IQCM: variants seen among roughly 807,000 people sequenced by gnomAD.
IQCM encodes the protein IQ motif containing M, also known as IQ domain-containing protein M.
In IQCM, 45 loss-of-function variants were observed where a neutral mutation model predicts 57.6. The ratio of observed to expected loss-of-function variants is 0.78; its 90% CI spans 0.62 to 1.00. The LOEUF (loss-of-function observed/expected upper bound fraction) is 1.00. Ranked by LOEUF, IQCM falls within the 50% of genes least tolerant of loss-of-function variation. The pLI is 0.00. For missense variants in IQCM, 468 were observed against 511.6 expected (o/e 0.91, Z 0.82); for synonymous variants, 148 against 158.9 (o/e 0.93, Z 0.51).
chr4:149,519,484 T>C (rs942521307), intron 12 of IQCM, among the ~76,000 whole-genome samples: 2 of 151,372 alleles, frequency 1.3e-5, no homozygotes, highest in Non-Finnish European at 2.9e-5. Flanking sequence ...TAGCCTGGCG[T>C]GGTGGCGGGC....
intron 7 of IQCM, among the ~76,000 whole-genome samples, chr4:149,639,972 T>C (rs1195647095): frequency 6.6e-6 from 1 of 152,182 alleles, no homozygotes; most frequent in Non-Finnish European, 1.5e-5. Flanking sequence ...CATTTCAAAA[T>C]CTAAAGTAGC....
intron 2 of IQCM, among the ~76,000 whole-genome samples, chr4:149,808,479 T>C (rs1774276788): frequency 6.6e-6 from 1 of 152,174 alleles, no homozygotes; most frequent in South Asian, 2.1e-4. Flanking sequence ...TATTTGATAG[T>C]GCAGTAAAGA....
chr4:149,792,826 G>C (rs1772764727), intron 2 of IQCM, among the ~76,000 whole-genome samples: 1 of 152,154 alleles, frequency 6.6e-6, no homozygotes, highest in African/African-American at 2.4e-5. Flanking sequence ...ATTATAGTGA[G>C]TCAGGTAGTA....
rs1774864105 is a variant in IQCM, at chr4:149,814,425, A to G, written c.-49+886T>C. Among the ~76,000 whole-genome samples, 3 of 152,028 alleles carry G rather than the reference A, an allele frequency of 2.0e-5. No individual in the cohort carries two copies. The South Asian group carries it at 6.2e-4, about 31-fold the overall frequency. On this transcript the variant is annotated intron_variant, in intron 2 of 13. Coordinates refer to ENST00000636793, the MANE Select transcript of IQCM (RefSeq NM_001363507.2). ...CTCTTACCACCAGAATTATTTTCAC[A>G]GTCCATTCTGAAAGAACAACCCAGT...
intron 5 of IQCM, among the ~76,000 whole-genome samples, chr4:149,701,440 A>G (rs1763763265): frequency 6.6e-6 from 1 of 152,048 alleles, no homozygotes; most frequent in Admixed American, 6.6e-5. Context: ...CGCTAAACAT[A>G]GAAAGTGGTA....
intron 13 of IQCM, among the ~76,000 whole-genome samples, chr4:149,354,551 G>A (rs1728823600): frequency 1.3e-5 from 2 of 151,676 alleles, no homozygotes; most frequent in African/African-American, 4.8e-5. Context: ...TGAGATCTCA[G>A]GATTAAGTGC....
intron 2 of IQCM, among the ~76,000 whole-genome samples, chr4:149,757,948 C>G (rs1769144022): frequency 6.6e-6 from 1 of 152,136 alleles, no homozygotes; most frequent in Middle Eastern, 3.4e-3. Flanking sequence ...TTGATTAAAC[C>G]ATAGATCAAT....
intron 5 of IQCM, among the ~76,000 whole-genome samples, chr4:149,695,265 G>A (rs1763253330): frequency 6.6e-6 from 1 of 152,144 alleles, no homozygotes; most frequent in Non-Finnish European, 1.5e-5. Flanking sequence ...GTGACAGGCA[G>A]TCTGCTAGGC....
At chr4:149,463,257 AG>A (rs1446957420) in intron 12 of IQCM, among the ~76,000 whole-genome samples, 1 of 152,222 alleles carries the variant, frequency 6.6e-6, no homozygotes, top group African/African-American at 2.4e-5. Context: ...GCCATAAACA[AG>A]AAGAGTGCAG....
At chr4:149,715,633 C>T (rs543388546) in intron 5 of IQCM, among the ~76,000 whole-genome samples, 263 of 152,302 alleles carry the variant, frequency 1.7e-3, no homozygotes, top group African/African-American at 5.2e-3. Flanking sequence ...GTCCTGCCAT[C>T]TGGTGGGTCC....
intron 13 of IQCM, chr4:149,429,878 G>T: frequency 1.5e-6 from 1 of 686,626 alleles, no homozygotes; most frequent in Non-Finnish European, 2.0e-6. Flanking sequence ...AAAAAAATCA[G>T]CAAAAAGCTT....
intron 12 of IQCM, among the ~76,000 whole-genome samples, chr4:149,481,699 TTG>T (rs1168912161): frequency 6.4e-5 from 9 of 140,132 alleles, no homozygotes; most frequent in African/African-American, 1.3e-4. Context: ...TCTTCCAGTT[TTG>T]TTTTTTTTTT....
intron 2 of IQCM, among the ~76,000 whole-genome samples, chr4:149,752,828 G>A (rs939848441): frequency 1.3e-5 from 2 of 152,144 alleles, no homozygotes; most frequent in Non-Finnish European, 2.9e-5. Context: ...GCTAAAAAGA[G>A]GTAGAAATGC....
At position 149,633,447 on chromosome 4, in the gene IQCM, T is replaced by G. The variant is rs559816334; in HGVS notation, c.566-12203A>C. ...CTGAATATTAATGCTTTAGGTGTTA[T>G]CTATAAAGCTCAGATAGCCACATGG... On this transcript the variant is annotated intron_variant, in intron 7 of 13. Coordinates refer to ENST00000636793, the MANE Select transcript of IQCM (RefSeq NM_001363507.2). Among the ~76,000 whole-genome samples the G allele has an allele frequency of 1.8e-4, 28 of 152,244 alleles. No individual in the cohort carries two copies. In the East Asian group the frequency reaches 5.0e-3, roughly 27 times the overall value.
In IQCM at chr4:149,737,308, T is replaced by G. The variant is rs75104575; in HGVS notation, c.38-1850A>C. The stretch of plus-strand genomic sequence containing the variant: ...AGTGTACTCAATGTACACCTAAGAT[T>G]TGTGCATTTCATTGTATGTACATTT... On this transcript the variant is annotated intron_variant, in intron 3 of 13. Transcript: ENST00000636793. Among the ~76,000 whole-genome samples, 1,253 of 152,242 alleles carry G rather than the reference T, an allele frequency of 8.2e-3. 40 individuals are homozygous for G. Among genetic ancestry groups the G allele is most frequent in the Admixed American group, 0.061 (937 of 15,274 alleles).
chr4:149,743,422 A>G (rs1767642523), intron 2 of IQCM, among the ~76,000 whole-genome samples: 1 of 152,110 alleles, frequency 6.6e-6, no homozygotes, highest in South Asian at 2.1e-4. Context: ...CTGTCTGTGT[A>G]AGGGGCTAAA....
At chr4:149,623,327 T>C (rs1756510383) in intron 7 of IQCM, among the ~76,000 whole-genome samples, 1 of 152,026 alleles carries the variant, frequency 6.6e-6, no homozygotes, top group African/African-American at 2.4e-5. Flanking sequence ...TCCAATAGAG[T>C]CCAGAGCATT....
chr4:149,734,658 A>G (rs1766766876), intron 4 of IQCM, among the ~76,000 whole-genome samples: 1 of 152,092 alleles, frequency 6.6e-6, no homozygotes, highest in South Asian at 2.1e-4. Context: ...AAACCATCCG[A>G]AGTTACCCTC....
rs112048641 is a variant in IQCM at position 149,799,038 on chromosome 4, ATT to A, written c.-49+16271_-49+16272del. The stretch of plus-strand genomic sequence containing the variant: ...AAGAGCTGCAAGATATGCATCCTTT[ATT>A]TTTTTTTTTTCACTCAGCACATGGA... On this transcript the variant is annotated intron_variant, in intron 2 of 13. Coordinates refer to ENST00000636793, the MANE Select transcript of IQCM (RefSeq NM_001363507.2). Among the ~76,000 whole-genome samples the A allele has an allele frequency of 9.2e-3, 1,355 of 146,534 alleles. 10 individuals are homozygous for A. The highest frequency in any genetic ancestry group is 0.026 in the African/African-American group (1,058 of 40,556).
Sources: allele counts gnomAD v4.1 joint callset (sites outside exome capture counted in the v4.1 genomes callset), GRCh38; gene constraint gnomAD v4.1.1; transcripts MANE v1.5; gene names NCBI Gene and HGNC (gene_info 2026-07-23, HGNC 2026-07-21).